Variants in SLC35F1 observed in about 807,000 individuals in gnomAD.
SLC35F1 encodes the protein solute carrier family 35 member F1, also known as chromosome 6 open reading frame 169.
SLC35F1 carries 14 observed loss-of-function variants against 48.7 expected under a neutral mutation model. The observed-to-expected ratio is 0.29, with a 90% CI of 0.19 to 0.45. The LOEUF (loss-of-function observed/expected upper bound fraction) is 0.45, where lower values mean the gene tolerates loss of function less well. Ranked by LOEUF, SLC35F1 falls within the 20% of genes least tolerant of loss-of-function variation. The pLI, the probability that SLC35F1 is intolerant of heterozygous loss-of-function variation, is 1.00. For synonymous variants in SLC35F1, 190 were observed against 202.2 expected (o/e 0.94, Z 0.51); for missense variants, 404 against 500.0 (o/e 0.81, Z 1.83).
rs187491275 is a variant in SLC35F1, at chr6:117,919,872, T to C, written c.173+11973T>C. 3.3e-5 allele frequency among the ~76,000 whole-genome samples: 5 copies of C among 152,218 alleles called. No individual in the cohort carries two copies. In the East Asian group the frequency reaches 9.7e-4, roughly 29 times the overall value. The stretch of plus-strand genomic sequence containing the variant: ...CCCAGGAGCTCCGCGGTACCTGTGG[T>C]TCCTGAAAGAGAGTTTGACAGGCTT... On this transcript the variant is annotated intron_variant, in intron 1 of 7. Transcript: ENST00000360388.
chr6:117,994,681 A>G (rs559787490), intron 1 of SLC35F1, among the ~76,000 whole-genome samples: 11 of 152,314 alleles, frequency 7.2e-5, no homozygotes, highest in African/African-American at 2.6e-4. Context: ...CAAAGGTACT[A>G]TGCTTCATCT....
intron 1 of SLC35F1, among the ~76,000 whole-genome samples, chr6:117,931,941 C>T (rs1393590149): frequency 6.6e-6 from 1 of 152,168 alleles, no homozygotes; most frequent in Non-Finnish European, 1.5e-5. Context: ...TTGTATCCCT[C>T]CAAAATTTAT....
At chr6:117,995,553 C>CAA (rs1776973635) in intron 1 of SLC35F1, among the ~76,000 whole-genome samples, 1 of 152,012 alleles carries the variant, frequency 6.6e-6, no homozygotes, top group South Asian at 2.1e-4. Flanking sequence ...CCTGCCTGGC[C>CAA]AACATGGTGA....
chr6:118,058,980 C>T (rs574353775), intron 1 of SLC35F1, among the ~76,000 whole-genome samples: 1 of 152,098 alleles, frequency 6.6e-6, no homozygotes, highest in Non-Finnish European at 1.5e-5. Flanking sequence ...CAAAGCTAAC[C>T]TCAGCGAGAT....
At chr6:118,059,465 G>T (rs1160555355) in intron 1 of SLC35F1, among the ~76,000 whole-genome samples, 1 of 152,150 alleles carries the variant, frequency 6.6e-6, no homozygotes, top group African/African-American at 2.4e-5. Context: ...TGCCAAGTTG[G>T]TTACATTCCA....
At chr6:118,210,580 C>T (rs1389109801) in intron 2 of SLC35F1, among the ~76,000 whole-genome samples, 1 of 152,144 alleles carries the variant, frequency 6.6e-6, no homozygotes, top group Non-Finnish European at 1.5e-5. Context: ...ACTCTGCCTT[C>T]CCCTGGGTAA....
At chr6:118,066,740 CTTTTTTTTT>C (rs778659612) in intron 1 of SLC35F1, among the ~76,000 whole-genome samples, 1 of 125,150 alleles carries the variant, frequency 8.0e-6, no homozygotes, top group Non-Finnish European at 1.7e-5. Context: ...GGCAGTAGTT[CTTTTTTTTT>C]TTTTTTTTTT....
At chr6:117,983,035 A>G (rs1776802368) in intron 1 of SLC35F1, among the ~76,000 whole-genome samples, 1 of 152,124 alleles carries the variant, frequency 6.6e-6, no homozygotes, top group Non-Finnish European at 1.5e-5. Flanking sequence ...TGACATTTAA[A>G]TTTCACCTAT....
At chr6:117,956,005 G>C (rs1045056207) in intron 1 of SLC35F1, among the ~76,000 whole-genome samples, 11 of 152,184 alleles carry the variant, frequency 7.2e-5, no homozygotes, top group African/African-American at 2.7e-4. Context: ...ATATCGTGCT[G>C]GCTTAAACCA....
intron 1 of SLC35F1, among the ~76,000 whole-genome samples, chr6:117,988,544 C>T (rs566327414): frequency 3.3e-5 from 5 of 152,088 alleles, no homozygotes; most frequent in Admixed American, 6.6e-5. Flanking sequence ...CCGAGATGGT[C>T]CTTTGGAGAT....
At chr6:118,213,305 G>C (rs1019524334) in intron 2 of SLC35F1, among the ~76,000 whole-genome samples, 1 of 152,182 alleles carries the variant, frequency 6.6e-6, no homozygotes, top group Non-Finnish European at 1.5e-5. Context: ...TTAAACTGAT[G>C]AGAGATTATC....
chr6:118,212,393 C>G (rs974281490), intron 2 of SLC35F1, among the ~76,000 whole-genome samples: 1 of 152,062 alleles, frequency 6.6e-6, no homozygotes, highest in African/African-American at 2.4e-5. Context: ...AATCTTGATT[C>G]AGAAATAATC....
chr6:118,151,191 C>G lies in SLC35F1; in HGVS notation c.174-3254C>G, dbSNP rs139199546. 5.9e-3 allele frequency among the ~76,000 whole-genome samples: 899 copies of G among 152,270 alleles called. 14 individuals carry two copies. The highest frequency in any genetic ancestry group is 0.021 in the African/African-American group (856 of 41,544). On this transcript the variant is annotated intron_variant, in intron 1 of 7. Coordinates refer to ENST00000360388, the MANE Select transcript of SLC35F1 (RefSeq NM_001029858.4). ...GACTCCAGTGATGTGCTTCTTCTCC[C>G]TCACCCACCTCCAACCTTGGGATTC...
At chr6:118,161,964 G>A (rs1268483416) in intron 2 of SLC35F1, among the ~76,000 whole-genome samples, 1 of 152,162 alleles carries the variant, frequency 6.6e-6, no homozygotes, top group Admixed American at 6.6e-5. Context: ...AAAATAGCTT[G>A]TCATTGTCTT....
At chr6:117,987,352 G>A (rs546761110) in intron 1 of SLC35F1, among the ~76,000 whole-genome samples, 8 of 133,400 alleles carry the variant, frequency 6.0e-5, no homozygotes, top group African/African-American at 8.6e-5. Context: ...CCTCTTATTC[G>A]TCCATTTCCC....
At chr6:118,034,334 G>C (rs954971538) in intron 1 of SLC35F1, among the ~76,000 whole-genome samples, 28 of 152,100 alleles carry the variant, frequency 1.8e-4, no homozygotes, top group Admixed American at 3.9e-4. Flanking sequence ...GAGGCAGGCA[G>C]ATCACTTGAG....
rs1369088091 is a variant in SLC35F1 at position 118,089,847 on chromosome 6, T to A, written c.174-64598T>A. ...CCAATTTGACTTTGCAAAACTGGAATGAAAGTCTTTCTTCCATAAGCCAAT... is the reference window on the plus strand; with the variant it reads ...CCAATTTGACTTTGCAAAACTGGAAAGAAAGTCTTTCTTCCATAAGCCAAT... On this transcript the variant is annotated intron_variant, in intron 1 of 7. Coordinates refer to ENST00000360388, the MANE Select transcript of SLC35F1 (RefSeq NM_001029858.4). Among the ~76,000 whole-genome samples the A allele has an allele frequency of 2.6e-5, 4 of 152,232 alleles. No homozygotes were observed. In the East Asian group the frequency reaches 7.7e-4, roughly 29 times the overall value.
At chr6:118,267,244 A>T in intron 4 of SLC35F1, 90 bp downstream of exon 4, 1 of 1,440,560 alleles carries the variant, frequency 6.9e-7, no homozygotes. Context: ...GAAAACAAGG[A>T]CCTTAGGAAC....
At chr6:118,212,881 A>G (rs191504055) in intron 2 of SLC35F1, among the ~76,000 whole-genome samples, 280 of 152,284 alleles carry the variant, frequency 1.8e-3, no homozygotes, top group Admixed American at 4.6e-3. Context: ...ATAGGAGTAG[A>G]TATCATAATT....
Sources: gnomAD v4.1 joint callset for allele counts (sites outside exome capture counted in the v4.1 genomes callset) on GRCh38, gnomAD v4.1.1 for gene constraint, MANE v1.5 for transcripts, NCBI Gene and HGNC (gene_info 2026-07-23, HGNC 2026-07-21) for gene names.